The following OPCML variants were observed in gnomAD, a reference collection of about 807,000 sequenced individuals.
OPCML encodes the protein opioid binding protein/cell adhesion molecule like.
Under a neutral mutation model 37.8 loss-of-function variants are expected in OPCML, and 13 were observed. The observed-to-expected ratio is 0.34, with a 90% confidence interval of 0.22 to 0.55. OPCML has a LOEUF of 0.55. Ranked by LOEUF, OPCML falls within the 20% of genes least tolerant of loss-of-function variation. The pLI, the probability that OPCML is intolerant of heterozygous loss-of-function variation, is 0.91. For missense variants in OPCML, 341 were observed against 435.6 expected, an observed-to-expected ratio of 0.78 and a Z score of 1.93; for synonymous variants, 176 against 168.8, an observed-to-expected ratio of 1.04 and a Z score of -0.33.
In OPCML at chr11:132,943,352, G is replaced by A. The variant is rs542330759; in HGVS notation, c.62-342C>T. 3.5e-5 allele frequency: 19 copies of A among 543,724 alleles called. No individual in the cohort carries two copies. The highest frequency in any genetic ancestry group is 2.1e-4 in the African/African-American group (11 of 53,192). The allele number at this position is 543,724 out of a possible 1,614,324, so 33.7% of individuals were successfully genotyped here. ...AGAGCTTTCTTGACGCTCCCCTGGG[G>A]AGGAGGGAGGCGGCCAGGAGGGGAG... is the stretch of plus-strand genomic sequence containing the variant. On this transcript the variant is annotated intron_variant, in intron 1 of 7. Coordinates refer to ENST00000524381, the MANE Select transcript of OPCML (RefSeq NM_001012393.5). The surrounding 1 kb of genome is among the most constrained non-coding windows in gnomAD (Gnocchi z 4.3).
intron 1 of OPCML, among the ~76,000 whole-genome samples, chr11:133,140,018 C>A (rs1949743874): frequency 6.6e-6 from 1 of 150,902 alleles, no homozygotes; most frequent in Non-Finnish European, 1.5e-5. Flanking sequence ...GAAACCCCAT[C>A]TCAACTAAAA....
intron 1 of OPCML, among the ~76,000 whole-genome samples, chr11:133,492,518 G>C (rs1947686509): frequency 6.6e-6 from 1 of 151,984 alleles, no homozygotes; most frequent in Admixed American, 6.6e-5. Flanking sequence ...AGAAGTTGCT[G>C]GGGTTTTTTT....
In OPCML at chr11:132,614,040, G is replaced by C. The variant is rs148791813; in HGVS notation, c.379+43047C>G. 4.4e-3 allele frequency among the ~76,000 whole-genome samples: 674 copies of C among 152,194 alleles called. 4 individuals are homozygous for C. The highest frequency in any genetic ancestry group is 6.4e-3 in the Non-Finnish European group (435 of 68,010). On this transcript the variant is annotated intron_variant, in intron 3 of 7. Coordinates refer to ENST00000524381, the MANE Select transcript of OPCML (RefSeq NM_001012393.5). ...AACTAAATAAATAGATGGGATAAAA[G>C]TAGAGATTGTATTCCATAACCATGC...
chr11:132,715,688 G>C (rs894625136), intron 2 of OPCML, among the ~76,000 whole-genome samples: 1 of 152,170 alleles, frequency 6.6e-6, no homozygotes, highest in African/African-American at 2.4e-5. Context: ...GTGTCCTCAA[G>C]ACACCTCAGC....
intron 1 of OPCML, among the ~76,000 whole-genome samples, chr11:133,134,907 T>A (rs148564349): frequency 1.3e-5 from 2 of 152,196 alleles, no homozygotes; most frequent in Non-Finnish European, 2.9e-5. Context: ...TTACTTGTAT[T>A]TTCTGGAGTA....
intron 1 of OPCML, among the ~76,000 whole-genome samples, chr11:133,040,667 T>G (rs1947874428): frequency 6.6e-6 from 1 of 152,010 alleles, no homozygotes; most frequent in South Asian, 2.1e-4. Context: ...CCATCAGGAA[T>G]GAGTACCTGC....
chr11:132,752,793 G>A (rs371184199), intron 2 of OPCML, among the ~76,000 whole-genome samples: 1 of 152,050 alleles, frequency 6.6e-6, no homozygotes, highest in African/African-American at 2.4e-5. Context: ...TTGAAGGATA[G>A]ATAGATGATA....
At chr11:133,391,509 C>A (rs1565609752) in intron 1 of OPCML, among the ~76,000 whole-genome samples, 1 of 152,186 alleles carries the variant, frequency 6.6e-6, no homozygotes, top group Non-Finnish European at 1.5e-5. Flanking sequence ...CCCCCAGTTC[C>A]AACCATCCTT....
At chr11:133,210,346 G>A (rs1407806474) in intron 1 of OPCML, among the ~76,000 whole-genome samples, 1 of 152,044 alleles carries the variant, frequency 6.6e-6, no homozygotes, top group African/African-American at 2.4e-5. Context: ...AAAATGATGT[G>A]GTTTTTGCCT....
At chr11:132,685,069 C>T (rs1431796244) in intron 2 of OPCML, among the ~76,000 whole-genome samples, 1 of 152,122 alleles carries the variant, frequency 6.6e-6, no homozygotes, top group Non-Finnish European at 1.5e-5. Context: ...ATGCCTAAAC[C>T]TGATTAAATT....
intron 1 of OPCML, among the ~76,000 whole-genome samples, chr11:133,087,642 C>T (rs764609166): frequency 2.0e-5 from 3 of 152,228 alleles, no homozygotes; most frequent in African/African-American, 4.8e-5. Context: ...TTAGCCAACA[C>T]GTATGACTAC....
intron 1 of OPCML, among the ~76,000 whole-genome samples, chr11:133,136,129 G>A (rs528149471): frequency 6.6e-6 from 1 of 152,332 alleles, no homozygotes; most frequent in Non-Finnish European, 1.5e-5. Context: ...GTTTGAGACT[G>A]AGAGTAGGAG....
At chr11:132,976,951 T>C (rs1486723175) in intron 1 of OPCML, among the ~76,000 whole-genome samples, 1 of 152,196 alleles carries the variant, frequency 6.6e-6, no homozygotes, top group African/African-American at 2.4e-5. Flanking sequence ...TTTCATTGTC[T>C]TGGGGACAAT....
chr11:132,732,518 T>C (rs996249980), intron 2 of OPCML, among the ~76,000 whole-genome samples: 2 of 152,154 alleles, frequency 1.3e-5, no homozygotes, highest in African/African-American at 4.8e-5. Context: ...TCACTGGAGA[T>C]GTGGCTATAA....
At chr11:133,403,273 A>C (rs1182793073) in intron 1 of OPCML, among the ~76,000 whole-genome samples, 1 of 152,252 alleles carries the variant, frequency 6.6e-6, no homozygotes, top group Admixed American at 6.5e-5. Flanking sequence ...TGACTGGCAC[A>C]TAACAAAGAC....
intron 1 of OPCML, among the ~76,000 whole-genome samples, chr11:133,088,784 T>G (rs1436386277): frequency 6.6e-6 from 1 of 152,182 alleles, no homozygotes; most frequent in Non-Finnish European, 1.5e-5. Flanking sequence ...ATGGTCTAAA[T>G]GTTTTGGTTA....
At chr11:133,147,946 C>A (rs997938295) in intron 1 of OPCML, among the ~76,000 whole-genome samples, 1 of 152,190 alleles carries the variant, frequency 6.6e-6, no homozygotes, top group African/African-American at 2.4e-5. Context: ...CGAACGCTTT[C>A]TTCCTCCTGC....
chr11:132,777,711 G>A (rs1272782066), intron 2 of OPCML, among the ~76,000 whole-genome samples: 1 of 152,132 alleles, frequency 6.6e-6, no homozygotes, highest in East Asian at 1.9e-4. Context: ...GGAGAGGAAA[G>A]AGTGGAGCAG....
intron 1 of OPCML, among the ~76,000 whole-genome samples, chr11:133,192,068 G>T (rs764788443): frequency 5.3e-5 from 8 of 152,180 alleles, no homozygotes; most frequent in African/African-American, 1.9e-4. Context: ...ACTTCATTGT[G>T]CAGGGTAAAT....
Sources: allele counts gnomAD v4.1 joint callset (sites outside exome capture counted in the v4.1 genomes callset), GRCh38; gene constraint gnomAD v4.1.1; non-coding constraint Gnocchi (gnomAD v3.1); transcripts MANE v1.5; gene names NCBI Gene and HGNC (gene_info 2026-07-23, HGNC 2026-07-21).